UBE2U: variants seen among roughly 807,000 people sequenced by gnomAD.
The protein encoded by UBE2U is ubiquitin-conjugating enzyme E2 U.
UBE2U carries 39 observed loss-of-function variants against 41.2 expected under a neutral mutation model. The observed-to-expected ratio is 0.95, with a 90% CI of 0.73 to 1.24. UBE2U has a LOEUF of 1.24. Ranked by LOEUF, UBE2U falls within the 50% of genes most tolerant of loss-of-function variation. The pLI, the probability that UBE2U is intolerant of heterozygous loss-of-function variation, is 0.00. For synonymous variants in UBE2U, 107 were observed against 117.8 expected (o/e 0.91, Z 0.60); for missense variants, 336 against 363.1 (o/e 0.93, Z 0.61).
chr1:64,234,458 C>T (rs1413801139), intron 7 of UBE2U, among the ~76,000 whole-genome samples: 2 of 152,104 alleles, frequency 1.3e-5, no homozygotes, highest in African/African-American at 4.8e-5. Context: ...TATTTCATCT[C>T]ATCATTATGA....
chr1:64,236,521 G>T (rs1461365521), intron 7 of UBE2U, among the ~76,000 whole-genome samples: 1 of 152,140 alleles, frequency 6.6e-6, no homozygotes, highest in Admixed American at 6.5e-5. Context: ...TAAAAGGTTT[G>T]GCAGAGAACA....
chr1:64,241,187 A>G (rs1644829207), intron 7 of UBE2U, among the ~76,000 whole-genome samples: 1 of 152,208 alleles, frequency 6.6e-6, no homozygotes, highest in African/African-American at 2.4e-5. Flanking sequence ...TGCCACTTCA[A>G]GTTGACTGGG....
intron 3 of UBE2U, among the ~76,000 whole-genome samples, chr1:64,209,688 C>T (rs947669279): frequency 2.0e-5 from 3 of 151,288 alleles, no homozygotes; most frequent in Non-Finnish European, 4.4e-5. Context: ...CGCCCCCGCC[C>T]GCCCCGCAAA....
At chr1:64,237,043 C>T (rs1278345542) in intron 7 of UBE2U, among the ~76,000 whole-genome samples, 3 of 152,116 alleles carry the variant, frequency 2.0e-5, no homozygotes, top group Non-Finnish European at 4.4e-5. Flanking sequence ...GTTAGAAACT[C>T]CTTAGCCCTG....
intron 8 of UBE2U, among the ~76,000 whole-genome samples, chr1:64,259,588 C>G (rs543982145): frequency 6.6e-6 from 1 of 151,994 alleles, no homozygotes; most frequent in Non-Finnish European, 1.5e-5. Context: ...GAATCCTTTC[C>G]CCATTTCTTG....
In UBE2U at chr1:64,251,027, A is replaced by G. The variant is rs544319557; in HGVS notation, c.677+9294A>G. Among the ~76,000 whole-genome samples the G allele has an allele frequency of 1.6e-3, 250 of 152,116 alleles. 1 individual carries two copies. The highest frequency in any genetic ancestry group is 5.9e-3 in the African/African-American group (244 of 41,484). On this transcript the variant is annotated intron_variant, in intron 8 of 9. Transcript: ENST00000371077. ...ATGTATACATATGTAACCAACCTGC[A>G]GGTTGTGCACATGTACCCTAAAACT...
At chr1:64,262,653 G>A (rs1349664617) in intron 9 of UBE2U, among the ~76,000 whole-genome samples, 1 of 152,144 alleles carries the variant, frequency 6.6e-6, no homozygotes, top group Admixed American at 6.5e-5. Flanking sequence ...AGTCTTTAGA[G>A]CAAGTCTGAT....
At chr1:64,249,404 A>G (rs1374532020) in intron 8 of UBE2U, among the ~76,000 whole-genome samples, 1 of 149,604 alleles carries the variant, frequency 6.7e-6, no homozygotes, top group Non-Finnish European at 1.5e-5. Flanking sequence ...AAAAATCACC[A>G]GTCATACAAA....
chr1:64,208,152 G>T (rs1168957507), intron 3 of UBE2U, among the ~76,000 whole-genome samples: 1 of 152,190 alleles, frequency 6.6e-6, no homozygotes, highest in Non-Finnish European at 1.5e-5. Context: ...GGCATGGGCA[G>T]ACATTGTTCC....
At chr1:64,253,259 A>G (rs1333171050) in intron 8 of UBE2U, among the ~76,000 whole-genome samples, 1 of 152,232 alleles carries the variant, frequency 6.6e-6, no homozygotes, top group African/African-American at 2.4e-5. Context: ...GATATATGGG[A>G]TTATGTAGGG....
chr1:64,225,490 T>G (rs1652804803), intron 6 of UBE2U, among the ~76,000 whole-genome samples: 1 of 152,210 alleles, frequency 6.6e-6, no homozygotes, highest in African/African-American at 2.4e-5. Flanking sequence ...GAACAGCTTT[T>G]AGGAAAAGGA....
intron 8 of UBE2U, 62 bp from the exon 9 acceptor site, chr1:64,260,541 A>G: frequency 8.0e-7 from 1 of 1,256,918 alleles, no homozygotes. Flanking sequence ...TATTTTTCTC[A>G]GAAGTAAATA....
At chr1:64,263,515 T>C (rs979543224) in intron 9 of UBE2U, among the ~76,000 whole-genome samples, 1 of 152,168 alleles carries the variant, frequency 6.6e-6, no homozygotes, top group African/African-American at 2.4e-5. Flanking sequence ...CAACCACCTA[T>C]TGACCTGCTG....
Position 64,204,111 on chromosome 1 carries a change from TATAAG to T in UBE2U, c.62_66del (p.Tyr21TrpfsTer5), listed in dbSNP as rs778356368. 60 of 1,613,504 alleles carry T rather than the reference TATAAG, an allele frequency of 3.7e-5. No homozygotes were observed. The African/African-American group carries it at 5.3e-4, about 14-fold the overall frequency. On this transcript the variant is annotated frameshift_variant and splice_region_variant, in exon 1 of 10. Transcript: ENST00000371077. LOFTEE classifies it high-confidence loss of function. ...CTTCTGTGATCTCAAGGAGAACAAT[TATAAG>T]GTAAGTACTGGGCACGTGGAGAGAT... is the stretch of plus-strand genomic sequence containing the variant.
At position 64,253,336 on chromosome 1, in the gene UBE2U, A is replaced by T. The variant is rs143673600; in HGVS notation, c.678-7267A>T. On this transcript the variant is annotated intron_variant, in intron 8 of 9. Coordinates refer to ENST00000371077, the MANE Select transcript of UBE2U (RefSeq NM_001366232.2). ...GGAGAATGGAAGCAAGTTGGAAAACATACTTCAGGATATCATCCAGGAGAA... is the reference window on the plus strand; with the variant it reads ...GGAGAATGGAAGCAAGTTGGAAAACTTACTTCAGGATATCATCCAGGAGAA... Among the ~76,000 whole-genome samples the T allele has an allele frequency of 1.6e-4, 24 of 152,364 alleles. No individual in the cohort carries two copies. The East Asian group carries it at 4.4e-3, about 28-fold the overall frequency.
chr1:64,221,421 C>CT (rs1367527885), intron 6 of UBE2U, among the ~76,000 whole-genome samples: 1 of 152,042 alleles, frequency 6.6e-6, no homozygotes, highest in Non-Finnish European at 1.5e-5. Flanking sequence ...CCGATCTTGC[C>CT]TTTTTTATAT....
At chr1:64,223,728 T>G (rs897319051) in intron 6 of UBE2U, among the ~76,000 whole-genome samples, 1 of 152,162 alleles carries the variant, frequency 6.6e-6, no homozygotes, top group Non-Finnish European at 1.5e-5. Context: ...TACTCAGGCT[T>G]GGCAGGGATT....
intron 4 of UBE2U, among the ~76,000 whole-genome samples, chr1:64,211,554 C>T (rs968618553): frequency 6.6e-6 from 1 of 152,192 alleles, no homozygotes; most frequent in Non-Finnish European, 1.5e-5. Context: ...ATCCTCCCAC[C>T]TCAGCCCCTC....
intron 8 of UBE2U, among the ~76,000 whole-genome samples, chr1:64,245,220 T>C (rs552730702): frequency 1.4e-4 from 21 of 152,326 alleles, no homozygotes; most frequent in Admixed American, 4.6e-4. Flanking sequence ...TTGAGTGTCT[T>C]TTGTATTCAT....
Sources: gnomAD v4.1 joint callset for allele counts (sites outside exome capture counted in the v4.1 genomes callset) on GRCh38, gnomAD v4.1.1 for gene constraint, MANE v1.5 for transcripts, NCBI Gene and HGNC (gene_info 2026-07-23, HGNC 2026-07-21) for gene names.